Variants in ATF6 observed in about 807,000 individuals in gnomAD.
The protein encoded by ATF6 is activating transcription factor 6.
In ATF6, 53 loss-of-function variants were observed where a neutral mutation model predicts 83.6. The observed-to-expected ratio is 0.63, with a 90% CI of 0.51 to 0.80. ATF6 has a LOEUF of 0.80. ATF6 is among the 30% of genes least tolerant of loss of function. The pLI is 0.00. For synonymous variants in ATF6, 288 were observed against 285.8 expected, an observed-to-expected ratio of 1.01 and a Z score of -0.08; for missense variants, 744 against 797.9, an observed-to-expected ratio of 0.93 and a Z score of 0.81.
At chr1:161,811,577 A>C (rs931142530) in intron 7 of ATF6, among the ~76,000 whole-genome samples, 42 of 152,254 alleles carry the variant, frequency 2.8e-4, no homozygotes, top group Non-Finnish European at 1.0e-4. Context: ...AACAAAAAAT[A>C]GTACAGAGAA....
intron 10 of ATF6, 34 bp from the exon 11 acceptor site, chr1:161,851,688 A>G (rs1352253715): frequency 2.0e-6 from 3 of 1,488,414 alleles, no homozygotes; most frequent in African/African-American, 1.4e-5. Flanking sequence ...AATTTAAGAT[A>G]CAAGGAAACA....
chr1:161,851,233 AACACACAC>A (rs60202873), intron 10 of ATF6, among the ~76,000 whole-genome samples: 841 of 75,466 alleles, frequency 0.011, 21 homozygotes, highest in African/African-American at 0.016. Context: ...CCCTATCCTT[AACACACAC>A]ACACACACAC....
chr1:161,894,321 C>T (rs1687623575), intron 14 of ATF6, among the ~76,000 whole-genome samples: 3 of 149,840 alleles, frequency 2.0e-5, no homozygotes, highest in Admixed American at 2.0e-4. Flanking sequence ...ATGAAGACCA[C>T]TAAAATTTGA....
chr1:161,867,202 G>T (rs1687023628), intron 14 of ATF6, among the ~76,000 whole-genome samples: 1 of 152,076 alleles, frequency 6.6e-6, no homozygotes, highest in South Asian at 2.1e-4. Context: ...GGCTGAGGCG[G>T]GAGAATGGCG....
At position 161,894,998 on chromosome 1, in the gene ATF6, G is replaced by A. The variant is rs1016999829; in HGVS notation, c.1720-17298G>A. On this transcript the variant is annotated intron_variant, in intron 14 of 15. Transcript: ENST00000367942. ...TCATGCCTGTAATCCCAGCACTTTG[G>A]GGGGCCAAGGTGGGCAGAACACTTG... Among the ~76,000 whole-genome samples, 8 of 152,116 alleles carry A rather than the reference G, an allele frequency of 5.3e-5. No homozygotes were observed. The South Asian group carries it at 8.3e-4, about 16-fold the overall frequency.
intron 14 of ATF6, among the ~76,000 whole-genome samples, chr1:161,879,857 C>T (rs1459814059): frequency 2.0e-5 from 3 of 152,026 alleles, no homozygotes; most frequent in Non-Finnish European, 4.4e-5. Flanking sequence ...TCAGTTCTAG[C>T]TGTTGGCAGC....
intron 15 of ATF6, among the ~76,000 whole-genome samples, chr1:161,935,404 T>TG (rs1432331920): frequency 1.3e-5 from 2 of 152,202 alleles, no homozygotes; most frequent in Non-Finnish European, 2.9e-5. Flanking sequence ...TTCTGCCATT[T>TG]GAAGACACAG....
chr1:161,793,193 A>C (rs189259340), intron 6 of ATF6, among the ~76,000 whole-genome samples: 2 of 152,322 alleles, frequency 1.3e-5, no homozygotes, highest in African/African-American at 4.8e-5. Flanking sequence ...TAAATTTGAT[A>C]AATTTAATTT....
chr1:161,878,329 G>A (rs1687259868), intron 14 of ATF6, among the ~76,000 whole-genome samples: 1 of 151,982 alleles, frequency 6.6e-6, no homozygotes, highest in African/African-American at 2.4e-5. Flanking sequence ...TGGCCAAGCT[G>A]GTCTTGAACT....
At chr1:161,873,041 G>A (rs941193634) in intron 14 of ATF6, among the ~76,000 whole-genome samples, 1 of 151,370 alleles carries the variant, frequency 6.6e-6, no homozygotes, top group African/African-American at 2.4e-5. Context: ...CCTCTGTATT[G>A]TTTTCTGTTT....
intron 6 of ATF6, among the ~76,000 whole-genome samples, chr1:161,794,217 T>C (rs1448502099): frequency 6.6e-6 from 1 of 152,198 alleles, no homozygotes; most frequent in East Asian, 1.9e-4. Context: ...TGTCTGTTTT[T>C]ATAGTACAAT....
intron 15 of ATF6, among the ~76,000 whole-genome samples, chr1:161,915,914 C>T (rs946139636): frequency 1.3e-5 from 2 of 152,186 alleles, no homozygotes; most frequent in Non-Finnish European, 2.9e-5. Flanking sequence ...TGAGCCACTG[C>T]ACCCAGCCCA....
At chr1:161,774,406 TACAC>T (rs60069049) in intron 1 of ATF6, among the ~76,000 whole-genome samples, 2,955 of 148,322 alleles carry the variant, frequency 0.02, 78 homozygotes, top group African/African-American at 0.059. Flanking sequence ...TATGGATATG[TACAC>T]ACACACACAC....
intron 9 of ATF6, among the ~76,000 whole-genome samples, chr1:161,824,516 C>T (rs1216959531): frequency 6.6e-6 from 1 of 152,062 alleles, no homozygotes; most frequent in Admixed American, 6.6e-5. Context: ...TACATAGCAC[C>T]TCTCCCCTTC....
intron 14 of ATF6, among the ~76,000 whole-genome samples, chr1:161,879,747 C>T (rs1687286669): frequency 6.6e-6 from 1 of 152,010 alleles, no homozygotes; most frequent in Admixed American, 6.6e-5. Context: ...CATCATCAGG[C>T]ATCTTTGAAA....
intron 7 of ATF6, among the ~76,000 whole-genome samples, chr1:161,819,167 GATTTTTAAAC>G (rs934788077): frequency 6.6e-5 from 10 of 152,268 alleles, no homozygotes; most frequent in Admixed American, 2.0e-4. Flanking sequence ...AAAATGGATA[GATTTTTAAAC>G]AATCTAGTTA....
chr1:161,883,581 TA>T (rs1272084639), intron 14 of ATF6, among the ~76,000 whole-genome samples: 2 of 152,006 alleles, frequency 1.3e-5, no homozygotes, highest in Non-Finnish European at 2.9e-5. Context: ...ATATTGATAT[TA>T]GATAGGAGCC....
intron 7 of ATF6, among the ~76,000 whole-genome samples, chr1:161,816,861 A>AT (rs1045435581): frequency 5.3e-5 from 8 of 151,744 alleles, no homozygotes; most frequent in African/African-American, 1.5e-4. Flanking sequence ...TACAAATCAT[A>AT]TTTTTTTTGC....
chr1:161,882,045 A>G (rs1395711593), intron 14 of ATF6, among the ~76,000 whole-genome samples: 1 of 152,160 alleles, frequency 6.6e-6, no homozygotes, highest in East Asian at 1.9e-4. Flanking sequence ...TAGCTTTTAA[A>G]GGAAGAATTA....
Sources: allele counts gnomAD v4.1 joint callset (sites outside exome capture counted in the v4.1 genomes callset), GRCh38; gene constraint gnomAD v4.1.1; transcripts MANE v1.5; gene names NCBI Gene and HGNC (gene_info 2026-07-23, HGNC 2026-07-21).